Variants in KITLG observed in about 807,000 individuals in gnomAD.
The protein encoded by KITLG is c-Kit ligand.
KITLG carries 13 observed loss-of-function variants against 34.1 expected under a neutral mutation model. The observed-to-expected ratio is 0.38, with a 90% CI of 0.25 to 0.61. The LOEUF (loss-of-function observed/expected upper bound fraction) is 0.61, where lower values mean the gene tolerates loss of function less well. Among genes scored for constraint, KITLG ranks in the 20% least tolerant of loss-of-function variants. The pLI is 0.60. For missense variants in KITLG, 292 were observed against 318.9 expected (o/e 0.92, Z 0.64); for synonymous variants, 110 against 104.0 (o/e 1.06, Z -0.35).
chr12:88,524,744 T>C (rs1010485451), intron 3 of KITLG, among the ~76,000 whole-genome samples: 2 of 152,220 alleles, frequency 1.3e-5, no homozygotes, highest in Non-Finnish European at 2.9e-5. Context: ...TAGTACAGTA[T>C]ACAAAAGAAC....
chr12:88,505,292 A>C (rs1446196221), intron 8 of KITLG, 57 bp from the exon 9 acceptor site: 1 of 1,371,830 alleles, frequency 7.3e-7, no homozygotes, highest in Non-Finnish European at 1.0e-6. Context: ...TCTGAGGTAC[A>C]CCATGATCTC....
At chr12:88,503,850 G>T (rs1868953425) in intron 9 of KITLG, among the ~76,000 whole-genome samples, 1 of 151,994 alleles carries the variant, frequency 6.6e-6, no homozygotes, top group South Asian at 2.1e-4. Context: ...CAATTGACCT[G>T]GAAAATCTTA....
At chr12:88,512,610 A>G (rs1869318040) in intron 6 of KITLG, among the ~76,000 whole-genome samples, 1 of 152,000 alleles carries the variant, frequency 6.6e-6, no homozygotes, top group African/African-American at 2.4e-5. Context: ...CAAATGTTAA[A>G]AAGGAGAACA....
chr12:88,494,329 A>C lies in KITLG; in HGVS notation c.*2890T>G, dbSNP rs1426825667. ...ATATTTTTAAAATCCATGATTTCTG[A>C]ATGAGTTTTTCTCTTTATTTATAAC... On this transcript the variant is annotated 3_prime_UTR_variant, in exon 10 of 10. Coordinates refer to ENST00000644744, the MANE Select transcript of KITLG (RefSeq NM_000899.5). 1 of 152,060 alleles carries C rather than the reference A, an allele frequency of 6.6e-6. No homozygotes were observed. Among genetic ancestry groups the C allele is most frequent in the African/African-American group, 2.4e-5 (1 of 41,444 alleles). The allele number at this position is 152,060 out of a possible 1,614,324, so 9.4% of individuals were successfully genotyped here.
At position 88,526,892 on chromosome 12, in the gene KITLG, G is replaced by A. The variant is rs147396425; in HGVS notation, c.192+5549C>T. On this transcript the variant is annotated intron_variant, in intron 3 of 9. Transcript: ENST00000644744. ...TTTTTTTTTTTTTTTTTTTTGAGAC[G>A]GAGTCTCGCTCTGTCACCCAGCCTG... Among the ~76,000 whole-genome samples, 257 of 144,518 alleles carry A rather than the reference G, an allele frequency of 1.8e-3. 1 individual carries two copies. The highest frequency in any genetic ancestry group is 6.4e-3 in the African/African-American group (248 of 38,522). 94.8% of individuals were successfully genotyped at this position (144,518 alleles called of 152,430 possible).
rs1276412621 is a variant in KITLG at position 88,545,637 on chromosome 12, C to T, written c.129+115G>A. 7.8e-6 allele frequency: 5 copies of T among 639,540 alleles called. No individual in the cohort carries two copies. In the East Asian group the frequency reaches 1.1e-4, roughly 14 times the overall value. 39.6% of individuals were successfully genotyped at this position (639,540 alleles called of 1,614,324 possible). A position where few individuals can be genotyped will look rare whatever the true frequency, so the allele number is the denominator to read the frequency against. On this transcript the variant is annotated intron_variant, in intron 2 of 9. Coordinates refer to ENST00000644744, the MANE Select transcript of KITLG (RefSeq NM_000899.5). Reference sequence around the variant, plus strand: ...ATTGTAACCCAGTGATTACTTTCCCCACTTTAGGAAAACATTACTTTGGGG... The same window carrying T: ...ATTGTAACCCAGTGATTACTTTCCCTACTTTAGGAAAACATTACTTTGGGG...
intron 1 of KITLG, among the ~76,000 whole-genome samples, chr12:88,561,195 CTT>C (rs1204126214): frequency 6.6e-6 from 1 of 152,032 alleles, no homozygotes; most frequent in African/African-American, 2.4e-5. Flanking sequence ...ACAGAACTGA[CTT>C]TATAGGTTTG....
At chr12:88,531,263 CATTA>C (rs1377631211) in intron 3 of KITLG, among the ~76,000 whole-genome samples, 1 of 152,122 alleles carries the variant, frequency 6.6e-6, no homozygotes, top group Non-Finnish European at 1.5e-5. Context: ...ATGCTGTCCA[CATTA>C]CAAGCCCTGA....
At chr12:88,501,602 C>T (rs1868859410) in intron 9 of KITLG, among the ~76,000 whole-genome samples, 1 of 152,056 alleles carries the variant, frequency 6.6e-6, no homozygotes, top group Non-Finnish European at 1.5e-5. Flanking sequence ...TAAGGGTTTA[C>T]TTCATATAAT....
intron 1 of KITLG, among the ~76,000 whole-genome samples, chr12:88,575,962 C>A (rs1388357535): frequency 5.3e-5 from 8 of 151,982 alleles, no homozygotes; most frequent in Non-Finnish European, 1.2e-4. Context: ...ACAACAAAGA[C>A]ACCCCACAGA....
intron 3 of KITLG, among the ~76,000 whole-genome samples, chr12:88,529,139 A>G (rs1354373331): frequency 6.6e-6 from 1 of 152,218 alleles, no homozygotes; most frequent in Non-Finnish European, 1.5e-5. Flanking sequence ...TTATGTATCC[A>G]TAATAGCTAA....
chr12:88,559,287 T>G (rs1168934197), intron 1 of KITLG, among the ~76,000 whole-genome samples: 1 of 152,156 alleles, frequency 6.6e-6, no homozygotes, highest in Non-Finnish European at 1.5e-5. Flanking sequence ...CAAGATCTGA[T>G]ATGGGAAGGA....
intron 4 of KITLG, among the ~76,000 whole-genome samples, chr12:88,517,279 T>C (rs1869494815): frequency 6.6e-6 from 1 of 151,990 alleles, no homozygotes; most frequent in Admixed American, 6.6e-5. Flanking sequence ...GATTAATTGA[T>C]ATAAAATTAA....
intron 9 of KITLG, among the ~76,000 whole-genome samples, chr12:88,500,778 A>AT (rs1340061940): frequency 3.3e-5 from 5 of 152,050 alleles, no homozygotes; most frequent in Non-Finnish European, 5.9e-5. Context: ...ACTTCAGTTA[A>AT]TTTTTTATTT....
intron 1 of KITLG, among the ~76,000 whole-genome samples, chr12:88,574,367 G>A (rs983619262): frequency 6.6e-6 from 1 of 152,152 alleles, no homozygotes; most frequent in African/African-American, 2.4e-5. Flanking sequence ...AAGGAAAGGA[G>A]GTAAGCAAGC....
At chr12:88,497,261 T>C (rs987269586) in intron 9 of KITLG, 80 bp from the exon 10 acceptor site, 2 of 323,404 alleles carry the variant, frequency 6.2e-6, no homozygotes, top group South Asian at 2.5e-5. Context: ...CGAAATCATA[T>C]ATGACCACAG....
At chr12:88,575,832 T>G (rs1871807387) in intron 1 of KITLG, among the ~76,000 whole-genome samples, 1 of 151,624 alleles carries the variant, frequency 6.6e-6, no homozygotes, top group African/African-American at 2.4e-5. Flanking sequence ...GGAATAAAAT[T>G]TACAAAAGGG....
intron 3 of KITLG, among the ~76,000 whole-genome samples, chr12:88,519,686 A>T (rs1335332114): frequency 1.3e-5 from 2 of 152,058 alleles, no homozygotes; most frequent in African/African-American, 4.8e-5. Flanking sequence ...GCAGGGGTGC[A>T]ATCATGGTTC....
At chr12:88,566,774 A>C (rs1871456119) in intron 1 of KITLG, among the ~76,000 whole-genome samples, 1 of 152,236 alleles carries the variant, frequency 6.6e-6, no homozygotes, top group African/African-American at 2.4e-5. Flanking sequence ...AGAGGATTTT[A>C]GCCAGGGTAA....
Sources: allele counts gnomAD v4.1 joint callset (sites outside exome capture counted in the v4.1 genomes callset), GRCh38; gene constraint gnomAD v4.1.1; transcripts MANE v1.5; gene names NCBI Gene and HGNC (gene_info 2026-07-23, HGNC 2026-07-21).